The following CAST variants were observed in gnomAD, a reference collection of about 807,000 sequenced individuals.
CAST encodes MIR583 host.
CAST carries 76 observed loss-of-function variants against 119.6 expected under a neutral mutation model. The ratio of observed to expected loss-of-function variants is 0.64; its 90% CI spans 0.53 to 0.77. CAST has a LOEUF of 0.77. Ranked by LOEUF, CAST falls within the 30% of genes least tolerant of loss-of-function variation. CAST has a pLI of 0.00. For synonymous variants in CAST, 319 were observed against 331.6 expected, an observed-to-expected ratio of 0.96 and a Z score of 0.41; for missense variants, 953 against 946.5, an observed-to-expected ratio of 1.01 and a Z score of -0.09.
At chr5:96,408,286 T>A in the CAST span, 1 of 1,614,092 alleles carries the variant, frequency 6.2e-7, no homozygotes, top group Non-Finnish European at 8.5e-7. Context: ...GGTGCCTGTG[T>A]GCGTCTCCGT....
the CAST span, among the ~76,000 whole-genome samples, chr5:96,116,192 C>T: frequency 6.6e-5 from 10 of 152,224 alleles, no homozygotes; most frequent in East Asian, 9.6e-4. Flanking sequence ...TACATGGAAT[C>T]ATACAATATG....
At chr5:96,357,163 A>T in the CAST span, among the ~76,000 whole-genome samples, 24 of 152,180 alleles carry the variant, frequency 1.6e-4, no homozygotes, top group African/African-American at 5.1e-4. Context: ...AATGCTTGTG[A>T]TTTTTGCATA....
At chr5:96,224,045 G>A in the CAST span, among the ~76,000 whole-genome samples, 1 of 152,238 alleles carries the variant, frequency 6.6e-6, no homozygotes, top group African/African-American at 2.4e-5. Flanking sequence ...AAAGGAGCCT[G>A]AATCTCTCTG....
chr5:96,284,920 T>C, the CAST span, among the ~76,000 whole-genome samples: 1 of 152,236 alleles, frequency 6.6e-6, no homozygotes, highest in African/African-American at 2.4e-5. Context: ...TCACTACCCA[T>C]AGTTTGGTTC....
chr5:95,976,978 C>T, the CAST span, among the ~76,000 whole-genome samples: 1 of 152,214 alleles, frequency 6.6e-6, no homozygotes, highest in African/African-American at 2.4e-5. Context: ...CTCTCTGTGC[C>T]TTAGTTTTCT....
intron 1 of CAST, among the ~76,000 whole-genome samples, chr5:96,610,107 T>C (rs1428355340): frequency 3.3e-5 from 5 of 152,200 alleles, no homozygotes. Flanking sequence ...ATCATGATAG[T>C]GAATAAGTCT....
the CAST span, among the ~76,000 whole-genome samples, chr5:96,409,584 G>T: frequency 1.3e-5 from 2 of 152,294 alleles, no homozygotes; most frequent in South Asian, 4.1e-4. Context: ...TTCAGTGCAG[G>T]TTACCCAAGA....
chr5:96,412,444 A>C, the CAST span: 1 of 1,614,070 alleles, frequency 6.2e-7, no homozygotes, highest in Non-Finnish European at 8.5e-7. Flanking sequence ...ATCCAATTGA[A>C]CTGGCCTCAA....
the CAST span, among the ~76,000 whole-genome samples, chr5:96,496,529 G>T: frequency 7.2e-5 from 11 of 152,306 alleles, no homozygotes; most frequent in Admixed American, 6.5e-4. Flanking sequence ...TGGTCATAAG[G>T]CTGCAAATGC....
chr5:96,254,468 T>C, the CAST span, among the ~76,000 whole-genome samples: 2 of 152,198 alleles, frequency 1.3e-5, no homozygotes, highest in African/African-American at 2.4e-5. Flanking sequence ...AAGTAGCTTT[T>C]ATTTCTCTCA....
the CAST span, among the ~76,000 whole-genome samples, chr5:96,328,654 A>G: frequency 6.6e-6 from 1 of 152,128 alleles, no homozygotes; most frequent in Non-Finnish European, 1.5e-5. Flanking sequence ...TTAAGACTTG[A>G]GTTAGTTAGG....
intron 1 of CAST, among the ~76,000 whole-genome samples, chr5:96,606,303 C>T (rs1747254333): frequency 6.6e-6 from 1 of 152,196 alleles, no homozygotes; most frequent in South Asian, 2.1e-4. Flanking sequence ...TAAACCGTAC[C>T]TTACCACCTA....
At chr5:96,235,148 A>T in the CAST span, among the ~76,000 whole-genome samples, 1 of 152,158 alleles carries the variant, frequency 6.6e-6, no homozygotes, top group African/African-American at 2.4e-5. Context: ...ATCTTGGTGG[A>T]CCCCAGGAGA....
At chr5:96,298,879 A>AGTGTGTAT in the CAST span, among the ~76,000 whole-genome samples, 1 of 149,588 alleles carries the variant, frequency 6.7e-6, no homozygotes, top group Non-Finnish European at 1.5e-5. Flanking sequence ...AAATTAGGAG[A>AGTGTGTAT]GTGTGTGTGT....
At chr5:96,224,899 C>T in the CAST span, among the ~76,000 whole-genome samples, 1 of 152,190 alleles carries the variant, frequency 6.6e-6, no homozygotes, top group Non-Finnish European at 1.5e-5. Context: ...TTACTCTGAA[C>T]TGGCCAACTC....
the CAST span, among the ~76,000 whole-genome samples, chr5:96,466,939 CA>C: frequency 6.6e-6 from 1 of 152,090 alleles, no homozygotes; most frequent in Non-Finnish European, 1.5e-5. Context: ...ATGGTTGTAC[CA>C]GTTTGCATTT....
chr5:96,568,111 A>G (rs1271197063), intron 1 of CAST, among the ~76,000 whole-genome samples: 1 of 152,108 alleles, frequency 6.6e-6, no homozygotes, highest in Non-Finnish European at 1.5e-5. Flanking sequence ...TGGGTAGTGA[A>G]GATCCTTTCG....
At chr5:96,417,697 G>T in the CAST span, among the ~76,000 whole-genome samples, 1 of 152,132 alleles carries the variant, frequency 6.6e-6, no homozygotes, top group African/African-American at 2.4e-5. Context: ...ACATCACTTG[G>T]GTGAATATTT....
At chr5:96,341,869 G>A in the CAST span, among the ~76,000 whole-genome samples, 1 of 152,164 alleles carries the variant, frequency 6.6e-6, no homozygotes, top group African/African-American at 2.4e-5. Flanking sequence ...AGTATGATGA[G>A]TACAGGGAAG....
Sources: allele counts gnomAD v4.1 joint callset (sites outside exome capture counted in the v4.1 genomes callset), GRCh38; gene constraint gnomAD v4.1.1; transcripts MANE v1.5; gene names NCBI Gene and HGNC (gene_info 2026-07-23, HGNC 2026-07-21).